NEBL: variants seen among roughly 807,000 people sequenced by gnomAD.
NEBL encodes LIM and SH3 protein 2.
A neutral mutation model predicts 140.2 loss-of-function variants in NEBL; 122 were observed. That is an observed-to-expected ratio of 0.87 (90% CI 0.75 to 1.01). The LOEUF (loss-of-function observed/expected upper bound fraction) is 1.01. NEBL is among the 50% of genes least tolerant of loss of function. The pLI, the probability that NEBL is intolerant of heterozygous loss-of-function variation, is 0.00. For missense variants in NEBL, 1,365 were observed against 1,231.3 expected (o/e 1.11, Z -1.62); for synonymous variants, 436 against 398.9 (o/e 1.09, Z -1.11).
chr10:20,829,456 G>T, intron 16 of NEBL, among the ~76,000 whole-genome samples: 1 of 130,834 alleles, frequency 7.6e-6, no homozygotes, highest in Non-Finnish European at 1.6e-5. Flanking sequence ...GGAGGGGGGA[G>T]GGATAGCATT....
At chr10:21,137,377 T>C (rs1839400278) in intron 2 of NEBL, among the ~76,000 whole-genome samples, 3 of 152,244 alleles carry the variant, frequency 2.0e-5, no homozygotes, top group Non-Finnish European at 2.9e-5. Flanking sequence ...TTAGTCTTCA[T>C]TGTTAACTGT....
intron 2 of NEBL, among the ~76,000 whole-genome samples, chr10:21,101,067 G>T (rs541458446): frequency 6.6e-6 from 1 of 152,204 alleles, no homozygotes; most frequent in Admixed American, 6.5e-5. Flanking sequence ...TCATTCACAG[G>T]CCTGAAGCAG....
chr10:21,019,177 A>G (rs891701916), intron 3 of NEBL, among the ~76,000 whole-genome samples: 5 of 152,240 alleles, frequency 3.3e-5, no homozygotes, highest in African/African-American at 4.8e-5. Flanking sequence ...ACAAGCCTCC[A>G]CAGTCATAGA....
intron 2 of NEBL, among the ~76,000 whole-genome samples, chr10:21,169,067 AATATATATATATATATATAT>A (rs1176763018): frequency 3.0e-4 from 7 of 23,080 alleles, no homozygotes; most frequent in East Asian, 2.6e-3. Context: ...AAAAAAAAAA[AATATATATATATATATATAT>A]ATATATATAT....
chr10:20,804,003 G>T (rs1268204320), intron 26 of NEBL, among the ~76,000 whole-genome samples: 1 of 151,662 alleles, frequency 6.6e-6, no homozygotes, highest in African/African-American at 2.4e-5. Flanking sequence ...ATTTATGCAT[G>T]TGGTCCTTGT....
Position 21,197,607 on chromosome 10 carries a change from T to C in NEBL, n.349-25130A>G, listed in dbSNP as rs149121989. On this transcript the variant is annotated intron_variant and non_coding_transcript_variant, in intron 3 of 8. Coordinates refer to the NEBL transcript ENST00000675702. ...AGTCAGGCTTACAGCACACTCAGCATTGATCACAAGGTCAGCCTTCTCTCT... is the reference window on the plus strand; with the variant it reads ...AGTCAGGCTTACAGCACACTCAGCACTGATCACAAGGTCAGCCTTCTCTCT... 4.9e-3 allele frequency among the ~76,000 whole-genome samples: 743 copies of C among 152,316 alleles called. 2 individuals carry two copies. The highest frequency in any genetic ancestry group is 0.017 in the African/African-American group (725 of 41,562).
At chr10:21,141,357 G>A (rs138550719) in intron 2 of NEBL, among the ~76,000 whole-genome samples, 268 of 152,192 alleles carry the variant, frequency 1.8e-3, no homozygotes, top group African/African-American at 5.8e-3. Context: ...TAGGGGCAAC[G>A]AGACATCTTA....
chr10:20,893,678 G>C (rs1847216260), intron 2 of NEBL, among the ~76,000 whole-genome samples: 1 of 152,170 alleles, frequency 6.6e-6, no homozygotes, highest in Non-Finnish European at 1.5e-5. Flanking sequence ...TGTCTGACAA[G>C]GGGATGATAT....
At chr10:21,061,364 T>TAA (rs1835290582) in intron 2 of NEBL, among the ~76,000 whole-genome samples, 1 of 89,216 alleles carries the variant, frequency 1.1e-5, no homozygotes, top group Non-Finnish European at 2.3e-5. Flanking sequence ...AATATATGGG[T>TAA]CAGATTTATG....
At chr10:21,129,392 A>C (rs1838993499) in intron 2 of NEBL, among the ~76,000 whole-genome samples, 1 of 152,064 alleles carries the variant, frequency 6.6e-6, no homozygotes, top group Non-Finnish European at 1.5e-5. Context: ...GAATACAGGC[A>C]TGTGCCACTA....
Position 20,783,371 on chromosome 10 carries a change from T to C in NEBL, c.*2376A>G, listed in dbSNP as rs1835154132. On this transcript the variant is annotated 3_prime_UTR_variant, in exon 28 of 28. Coordinates refer to ENST00000377122, the MANE Select transcript of NEBL (RefSeq NM_006393.3). ...GTAAAACAACTACCCTTTAGTTAAA[T>C]TCTGATCAGATCTTAATTCCTAAAG... The C allele has an allele frequency of 6.6e-6, 1 of 152,202 alleles. No homozygotes were observed. Among genetic ancestry groups the C allele is most frequent in the Non-Finnish European group, 1.5e-5 (1 of 68,034 alleles). The allele number at this position is 152,202 out of a possible 1,614,324, so 9.4% of individuals were successfully genotyped here.
chr10:21,120,814 A>T (rs1456720523), intron 2 of NEBL, among the ~76,000 whole-genome samples: 1 of 152,000 alleles, frequency 6.6e-6, no homozygotes, highest in Non-Finnish European at 1.5e-5. Context: ...AGTGCTAAAT[A>T]CACACAACTC....
chr10:21,090,655 G>A (rs536262432), intron 2 of NEBL, among the ~76,000 whole-genome samples: 203 of 152,208 alleles, frequency 1.3e-3, no homozygotes, highest in African/African-American at 4.6e-3. Flanking sequence ...CCAACTCACT[G>A]ACCTGTGTCA....
chr10:21,217,388 C>G (rs571335086), intron 3 of NEBL, among the ~76,000 whole-genome samples: 1 of 152,330 alleles, frequency 6.6e-6, no homozygotes, highest in South Asian at 2.1e-4. Context: ...ACAGGGGAAA[C>G]TCTATCTGGT....
chr10:21,186,911 T>C (rs1841481391), intron 3 of NEBL, among the ~76,000 whole-genome samples: 1 of 152,048 alleles, frequency 6.6e-6, no homozygotes, highest in African/African-American at 2.4e-5. Context: ...GAATGTGCTT[T>C]TTTTCTGAAT....
intron 3 of NEBL, among the ~76,000 whole-genome samples, chr10:21,004,317 T>C (rs193244992): frequency 5.9e-5 from 9 of 152,250 alleles, no homozygotes; most frequent in African/African-American, 2.2e-4. Flanking sequence ...CATTGAAATA[T>C]TGGAAAAATT....
intron 2 of NEBL, among the ~76,000 whole-genome samples, chr10:21,052,743 C>T (rs574333979): frequency 6.6e-6 from 1 of 152,116 alleles, no homozygotes; most frequent in African/African-American, 2.4e-5. Context: ...TTTTACAGAC[C>T]AGGTTCTCTC....
chr10:20,929,308 G>C (rs1364582060), intron 4 of NEBL, among the ~76,000 whole-genome samples: 1 of 151,628 alleles, frequency 6.6e-6, no homozygotes, highest in Non-Finnish European at 1.5e-5. Context: ...AACTTCAATA[G>C]ACTTATTCAC....
chr10:20,873,165 T>C (rs1437889978), intron 5 of NEBL, among the ~76,000 whole-genome samples: 2 of 152,256 alleles, frequency 1.3e-5, no homozygotes, highest in South Asian at 2.1e-4. Context: ...GAATAAAAAA[T>C]GTAACACAGC....
Sources: gnomAD v4.1 joint callset for allele counts (sites outside exome capture counted in the v4.1 genomes callset) on GRCh38, gnomAD v4.1.1 for gene constraint, MANE v1.5 for transcripts, NCBI Gene and HGNC (gene_info 2026-07-23, HGNC 2026-07-21) for gene names.